The following BIRC6 variants were observed in gnomAD, a reference collection of about 807,000 sequenced individuals.
BIRC6 encodes dual E2 ubiquitin-conjugating enzyme/E3 ubiquitin-protein ligase BIRC6.
Under a neutral mutation model 503.3 loss-of-function variants are expected in BIRC6, and 98 were observed. The observed-to-expected ratio is 0.19, with a 90% CI of 0.17 to 0.23. The LOEUF is 0.23. Among genes scored for constraint, BIRC6 ranks in the 10% least tolerant of loss-of-function variants. The pLI is 1.00. For synonymous variants in BIRC6, 2,240 were observed against 2,078.7 expected (o/e 1.08, Z -2.11); for missense variants, 5,360 against 5,806.0 (o/e 0.92, Z 2.50).
chr2:32,479,350 G>A, intron 36 of BIRC6, 112 bp from the exon 37 acceptor site: 1 of 1,031,080 alleles, frequency 9.7e-7, no homozygotes, highest in Non-Finnish European at 1.4e-6. Flanking sequence ...TTCTTTTATA[G>A]TTAGTAGAGC....
chr2:32,403,928 G>A (rs1468198199), intron 8 of BIRC6, among the ~76,000 whole-genome samples: 1 of 130,688 alleles, frequency 7.7e-6, no homozygotes, highest in African/African-American at 2.9e-5. Flanking sequence ...ATGTGTGTGT[G>A]TTTTTTTTTT....
chr2:32,609,662 T>G (rs2062719702), intron 72 of BIRC6, among the ~76,000 whole-genome samples: 1 of 151,922 alleles, frequency 6.6e-6, no homozygotes, highest in Non-Finnish European at 1.5e-5. Context: ...TATTCCAGTG[T>G]CCTTTGAATG....
intron 23 of BIRC6, among the ~76,000 whole-genome samples, chr2:32,461,343 A>AGTGTGTGTGTGTGTGTGT (rs373274536): frequency 4.2e-4 from 55 of 132,130 alleles, no homozygotes; most frequent in African/African-American, 1.5e-3. Context: ...ATGCCTGGCT[A>AGTGTGTGTGTGTGTGTGT]GTGTGTGTGT....
chr2:32,384,048 G>A (rs184471614), intron 3 of BIRC6, among the ~76,000 whole-genome samples: 174 of 152,248 alleles, frequency 1.1e-3, no homozygotes, highest in Non-Finnish European at 2.1e-3. Flanking sequence ...AAAGTTGCTG[G>A]GTAGCAATCT....
intron 33 of BIRC6, among the ~76,000 whole-genome samples, chr2:32,474,165 T>C (rs535670979): frequency 1.7e-4 from 26 of 152,270 alleles, no homozygotes; most frequent in African/African-American, 6.3e-4. Flanking sequence ...GTTTTGTTTT[T>C]TATATTTAAA....
intron 1 of BIRC6, among the ~76,000 whole-genome samples, chr2:32,371,398 A>C (rs929823913): frequency 6.6e-6 from 1 of 151,502 alleles, no homozygotes; most frequent in Non-Finnish European, 1.5e-5. Flanking sequence ...TTTTGGAGAC[A>C]GAGTCTCGCT....
In BIRC6 at chr2:32,575,337, C is replaced by G. The variant is rs146115857; in HGVS notation, c.13326C>G (p.Thr4442=). ...GTACATTGTTAGCCAAAATGAAGACCTGTGTTGATACCTATACCAACCGTT... is the reference window on the plus strand; with the variant it reads ...GTACATTGTTAGCCAAAATGAAGACGTGTGTTGATACCTATACCAACCGTT... ...SVGTLLAKMK[T]CVDTYTNRLR... is the part of the protein sequence containing the mutation. The change falls in exon 66 of 74, where the codon ACC becomes ACG. Residue 4442 remains threonine (T), a synonymous_variant. Transcript: ENST00000421745. 9 of 1,613,860 alleles carry G rather than the reference C, an allele frequency of 5.6e-6. No individual in the cohort carries two copies. In the African/African-American group the frequency reaches 1.2e-4, roughly 22 times the overall value.
intron 10 of BIRC6, among the ~76,000 whole-genome samples, chr2:32,428,836 C>T (rs1050978771): frequency 5.9e-5 from 9 of 152,114 alleles, no homozygotes; most frequent in African/African-American, 2.2e-4. Flanking sequence ...AATAGTTCTA[C>T]CACAAGGGTT....
rs1339860874 is a variant in BIRC6, at chr2:32,525,488, C to G, written c.11780C>G (p.Ala3927Gly). 6.2e-7 allele frequency: 1 copy of G among 1,613,936 alleles called. No individual in the cohort carries two copies. ...GGGCTGAAGTCTCAATCTAAACGTGCTGTGTCAGCTACACCACCTCGCCCA... is the reference window on the plus strand; with the variant it reads ...GGGCTGAAGTCTCAATCTAAACGTGGTGTGTCAGCTACACCACCTCGCCCA... ...ASGLKSQSKRAVSATPPRPPS... is the reference protein window; with the variant it reads ...ASGLKSQSKRGVSATPPRPPS... Residue 3927 changes from alanine to glycine, a missense_variant, in exon 59 of 74, where the codon GCT (alanine) becomes GGT (glycine). Transcript: ENST00000421745.
At chr2:32,603,166 A>T in intron 71 of BIRC6, 83 bp downstream of exon 71, 1 of 983,068 alleles carries the variant, frequency 1.0e-6, no homozygotes, top group Non-Finnish European at 1.5e-6. Flanking sequence ...ACCAAGAATA[A>T]ATATAGTAAA....
chr2:32,466,548 G>T (rs1385579152), intron 26 of BIRC6, among the ~76,000 whole-genome samples: 1 of 152,170 alleles, frequency 6.6e-6, no homozygotes, highest in East Asian at 1.9e-4. Flanking sequence ...AACTTCACAG[G>T]AAGTTAAGCA....
chr2:32,543,808 T>G (rs1245106349), intron 62 of BIRC6, among the ~76,000 whole-genome samples: 1 of 152,178 alleles, frequency 6.6e-6, no homozygotes, highest in Non-Finnish European at 1.5e-5. Flanking sequence ...AAGCAGTTAT[T>G]TAGAGCTACC....
Position 32,380,012 on chromosome 2 carries a change from G to A in BIRC6, c.508-141G>A, listed in dbSNP as rs2037392792. On this transcript the variant is annotated intron_variant, in intron 2 of 73. Coordinates refer to ENST00000421745, the MANE Select transcript of BIRC6 (RefSeq NM_016252.4). The stretch of plus-strand genomic sequence containing the variant: ...CTTTAAATTATTGTTTAATTAAGTA[G>A]ATTTGTTAAAAGGTAAGTTTAGTAT... 4 of 492,488 alleles carry A rather than the reference G, an allele frequency of 8.1e-6. No individual in the cohort carries two copies. The Admixed American group carries it at 1.6e-4, about 19-fold the overall frequency. 30.5% of individuals were successfully genotyped at this position (492,488 alleles called of 1,614,324 possible).
chr2:32,481,243 T>C (rs2050371046), intron 37 of BIRC6, 77 bp from the exon 38 acceptor site: 1 of 1,328,486 alleles, frequency 7.5e-7, no homozygotes, highest in African/African-American at 1.5e-5. Context: ...AAATAACTTT[T>C]TTTAACTAAA....
intron 66 of BIRC6, 75 bp downstream of exon 66, chr2:32,575,441 G>T: frequency 7.2e-7 from 1 of 1,386,702 alleles, no homozygotes. Flanking sequence ...GGGTGTTTTT[G>T]TTTTTCAGTG....
rs1438801600 is a variant in BIRC6, at chr2:32,406,572, T to C, written c.1477+15T>C. 1 of 1,577,460 alleles carries C rather than the reference T, an allele frequency of 6.3e-7. No individual in the cohort carries two copies. Among genetic ancestry groups the C allele is most frequent in the Admixed American group, 1.7e-5 (1 of 58,442 alleles). ...TTCTGTGACAGGTATGTAAAAAGTA[T>C]TAGATAATGTATTTAAAAAATTCTT... On this transcript the variant is annotated intron_variant, in intron 9 of 73. Coordinates refer to ENST00000421745, the MANE Select transcript of BIRC6 (RefSeq NM_016252.4).
chr2:32,384,351 A>G (rs985685788), intron 3 of BIRC6, among the ~76,000 whole-genome samples: 1 of 151,968 alleles, frequency 6.6e-6, no homozygotes, highest in African/African-American at 2.4e-5. Context: ...CATCAGGATG[A>G]TACACAGTAA....
chr2:32,591,349 T>G (rs1346139097), intron 66 of BIRC6, among the ~76,000 whole-genome samples: 1 of 152,220 alleles, frequency 6.6e-6, no homozygotes, highest in Non-Finnish European at 1.5e-5. Context: ...ATTTTTCTTT[T>G]ACTTTTTCTT....
intron 67 of BIRC6, chr2:32,594,315 C>T (rs1303855027): frequency 5.2e-5 from 16 of 306,906 alleles, no homozygotes. Context: ...TATTTCTTCC[C>T]CCTGAAATTC....
Sources: gnomAD v4.1 joint callset for allele counts (sites outside exome capture counted in the v4.1 genomes callset) on GRCh38, gnomAD v4.1.1 for gene constraint, MANE v1.5 for transcripts, NCBI Gene and HGNC (gene_info 2026-07-23, HGNC 2026-07-21) for gene names.